Variants in ANK1 observed in about 807,000 individuals in gnomAD.
The protein encoded by ANK1 is ankyrin 1.
Under a neutral mutation model 210.4 loss-of-function variants are expected in ANK1, and 51 were observed. The observed-to-expected ratio is 0.24, with a 90% CI of 0.19 to 0.31. The LOEUF (loss-of-function observed/expected upper bound fraction) is 0.31. Ranked by LOEUF, ANK1 falls within the 10% of genes least tolerant of loss-of-function variation. The probability of loss-of-function intolerance (pLI) is 1.00; values close to 1 mark genes in which losing one functional copy is unlikely to be tolerated. For missense variants in ANK1, 2,051 were observed against 2,504.4 expected (o/e 0.82, Z 3.86); for synonymous variants, 967 against 1,025.9 (o/e 0.94, Z 1.10).
intron 1 of ANK1, chr8:41,829,332 T>A (rs1292423565): frequency 1.3e-5 from 2 of 152,244 alleles, no homozygotes; most frequent in African/African-American, 4.8e-5. Context: ...GAACAGCGTC[T>A]TCGCCACCCT....
rs557218088 is a variant in ANK1 at position 41,707,888 on chromosome 8, A to C, written c.1998+890T>G. 5.3e-5 allele frequency among the ~76,000 whole-genome samples: 8 copies of C among 152,284 alleles called. No homozygotes were observed. The East Asian group carries it at 1.5e-3, about 29-fold the overall frequency. Reference sequence around the variant, plus strand: ...GCCCTGAAAATGCTTGCCTTTCTGAATGTGTGCTATGTGAATTTATCATCA... The same window carrying C: ...GCCCTGAAAATGCTTGCCTTTCTGACTGTGTGCTATGTGAATTTATCATCA... On this transcript the variant is annotated intron_variant, in intron 17 of 42. Coordinates refer to ENST00000289734, the MANE Select transcript of ANK1 (RefSeq NM_000037.4).
At chr8:41,727,400 C>T (rs1219895351) in intron 4 of ANK1, 52 bp from the exon 5 acceptor site, 1 of 1,303,170 alleles carries the variant, frequency 7.7e-7, no homozygotes, top group Non-Finnish European at 1.1e-6. Context: ...TTAAGAAAGG[C>T]CTACACCAGC....
At position 41,696,663 on chromosome 8, in the gene ANK1, G is replaced by A. The variant is rs760240299; in HGVS notation, c.2735+13C>T. The A allele has an allele frequency of 1.6e-5, 25 of 1,604,160 alleles. No homozygotes were observed. The highest frequency in any genetic ancestry group is 3.3e-5 in the South Asian group (3 of 91,042). On this transcript the variant is annotated intron_variant, in intron 25 of 42. Coordinates refer to ENST00000289734, the MANE Select transcript of ANK1 (RefSeq NM_000037.4). ...GGAGACAGGAGTCCCCGAGCCCTGCGCCCGCCACTCACCCTGTATGCACCG... is the reference window on the plus strand; with the variant it reads ...GGAGACAGGAGTCCCCGAGCCCTGCACCCGCCACTCACCCTGTATGCACCG...
At chr8:41,671,541 G>A (rs951211312) in intron 38 of ANK1, among the ~76,000 whole-genome samples, 2 of 151,982 alleles carry the variant, frequency 1.3e-5, no homozygotes, top group East Asian at 3.9e-4. Context: ...GTGCACTAAT[G>A]GCTCTAAGTG....
At position 41,661,858 on chromosome 8, in the gene ANK1, G is replaced by A; in HGVS notation, c.5544+18C>T. The A allele has an allele frequency of 6.2e-7, 1 of 1,614,108 alleles. No homozygotes were observed. The highest frequency in any genetic ancestry group is 8.5e-7 in the Non-Finnish European group (1 of 1,180,002). Reference sequence around the variant, plus strand: ...CCTCCAGCTCACTGGGATCCTCCAGGGGCCCCTCTACAGTCACCTCCTCGT... The same window carrying A: ...CCTCCAGCTCACTGGGATCCTCCAGAGGCCCCTCTACAGTCACCTCCTCGT... On this transcript the variant is annotated intron_variant, in intron 41 of 42. Transcript: ENST00000289734.
At chr8:41,736,282 T>C (rs543010373) in intron 2 of ANK1, among the ~76,000 whole-genome samples, 4 of 152,346 alleles carry the variant, frequency 2.6e-5, no homozygotes, top group East Asian at 3.9e-4. Flanking sequence ...GAGTGACCAG[T>C]GCGCTGAGAG....
chr8:41,775,334 C>A (rs56387461), intron 1 of ANK1, among the ~76,000 whole-genome samples: 1 of 152,316 alleles, frequency 6.6e-6, no homozygotes. Flanking sequence ...TGGCCCATTG[C>A]CAGCCAGAGA....
intron 1 of ANK1, among the ~76,000 whole-genome samples, chr8:41,894,350 G>T (rs142539640): frequency 0.015 from 2,307 of 152,040 alleles, 55 homozygotes; most frequent in African/African-American, 0.052. Flanking sequence ...AACACCATTT[G>T]GGGGGAGGAA....
chr8:41,745,726 T>C (rs1835953091), intron 2 of ANK1, among the ~76,000 whole-genome samples: 1 of 152,108 alleles, frequency 6.6e-6, no homozygotes, highest in Non-Finnish European at 1.5e-5. Context: ...AGAGATGGGG[T>C]CTTGCTATGT....
chr8:41,739,501 A>T (rs1359531341), intron 2 of ANK1, among the ~76,000 whole-genome samples: 1 of 125,164 alleles, frequency 8.0e-6, no homozygotes, highest in Non-Finnish European at 1.8e-5. Flanking sequence ...TCTCGACAAT[A>T]GTTCATTGTT....
intron 1 of ANK1, among the ~76,000 whole-genome samples, chr8:41,786,694 A>T (rs1447651748): frequency 6.6e-6 from 1 of 152,092 alleles, no homozygotes; most frequent in African/African-American, 2.4e-5. Context: ...GGTGCCACAC[A>T]CTAGTGTCTC....
At chr8:41,715,106 G>T (rs780701638) in intron 14 of ANK1, 32 bp from the exon 15 acceptor site, 2 of 1,602,884 alleles carry the variant, frequency 1.2e-6, no homozygotes, top group South Asian at 2.2e-5. Flanking sequence ...GGACCTTGGG[G>T]CCCCAGGGCT....
chr8:41,771,458 T>C (rs996011460), intron 1 of ANK1, among the ~76,000 whole-genome samples: 3 of 152,238 alleles, frequency 2.0e-5, no homozygotes, highest in Admixed American at 6.5e-5. Context: ...ATTTTGTTCA[T>C]ACTTCAAGGC....
At chr8:41,828,771 G>C in intron 1 of ANK1, 1 of 152,312 alleles carries the variant, frequency 6.6e-6, no homozygotes, top group African/African-American at 2.4e-5. Context: ...GAGGGCATAC[G>C]GGGAGCTACA....
intron 24 of ANK1, among the ~76,000 whole-genome samples, chr8:41,697,172 G>T (rs912435718): frequency 6.6e-6 from 1 of 152,230 alleles, no homozygotes; most frequent in African/African-American, 2.4e-5. Flanking sequence ...CCAGCACCGT[G>T]ACCGCCTCGC....
In ANK1 at chr8:41,694,193, T is replaced by A. The variant is rs1020506888; in HGVS notation, c.3328-91A>T. On this transcript the variant is annotated intron_variant, in intron 28 of 42. Coordinates refer to ENST00000289734, the MANE Select transcript of ANK1 (RefSeq NM_000037.4). This position sits in a 1 kb window ranked among gnomAD's most constrained non-coding sequence, Gnocchi z 5.7. The stretch of plus-strand genomic sequence containing the variant: ...GCTCCATGCCTGGTGAGAGTGGCCG[T>A]CAGTGCACGGGGTCCCGCCCTGCTG... The A allele has an allele frequency of 3.6e-6, 5 of 1,378,070 alleles. No individual in the cohort carries two copies. Among genetic ancestry groups the A allele is most frequent in the African/African-American group, 1.4e-5 (1 of 69,884 alleles). 85.4% of individuals were successfully genotyped at this position (1,378,070 alleles called of 1,614,324 possible). A position where few individuals can be genotyped will look rare whatever the true frequency, so the allele number is the denominator to read the frequency against.
chr8:41,670,850 C>T (rs371782282), intron 38 of ANK1, among the ~76,000 whole-genome samples: 3 of 152,364 alleles, frequency 2.0e-5, no homozygotes, highest in Admixed American at 6.5e-5. Flanking sequence ...AGAACCATGT[C>T]CTTACTTTAG....
chr8:41,844,751 A>T (rs1004931626), intron 1 of ANK1, among the ~76,000 whole-genome samples: 3 of 152,206 alleles, frequency 2.0e-5, no homozygotes, highest in Non-Finnish European at 2.9e-5. Flanking sequence ...CAGCTTATCA[A>T]TGTAAGCTGT....
intron 1 of ANK1, among the ~76,000 whole-genome samples, chr8:41,860,043 A>AACCT (rs1812985904): frequency 6.6e-6 from 1 of 152,180 alleles, no homozygotes; most frequent in Non-Finnish European, 1.5e-5. Flanking sequence ...GCACTCCTAA[A>AACCT]ACCTACCATC....
Sources: allele counts gnomAD v4.1 joint callset (sites outside exome capture counted in the v4.1 genomes callset), GRCh38; gene constraint gnomAD v4.1.1; non-coding constraint Gnocchi (gnomAD v3.1); transcripts MANE v1.5; gene names NCBI Gene and HGNC (gene_info 2026-07-23, HGNC 2026-07-21).